ZSWIM5: variants seen among roughly 807,000 people sequenced by gnomAD.
The protein encoded by ZSWIM5 is zinc finger SWIM domain-containing protein 5.
Under a neutral mutation model 119.6 loss-of-function variants are expected in ZSWIM5, and 55 were observed. The observed-to-expected ratio is 0.46, with a 90% CI of 0.37 to 0.58. The LOEUF is 0.58. ZSWIM5 is among the 20% of genes least tolerant of loss of function. The pLI is 0.00. For missense variants in ZSWIM5, 1,193 were observed against 1,512.8 expected (o/e 0.79, Z 3.51); for synonymous variants, 537 against 606.9 (o/e 0.88, Z 1.69).
chr1:45,038,486 G>A (rs1398231750), intron 8 of ZSWIM5, among the ~76,000 whole-genome samples: 1 of 151,770 alleles, frequency 6.6e-6, no homozygotes, highest in African/African-American at 2.4e-5. Context: ...AGGAAGGTGG[G>A]AAATGGGCAA....
At chr1:45,040,287 A>G in intron 7 of ZSWIM5, 105 bp downstream of exon 7, 1 of 1,234,300 alleles carries the variant, frequency 8.1e-7, no homozygotes, top group Non-Finnish European at 1.1e-6. Context: ...TCCACACAGC[A>G]AGGAGAATGA....
chr1:45,033,505 TTC>T (rs1311256678), intron 11 of ZSWIM5, among the ~76,000 whole-genome samples: 1 of 152,216 alleles, frequency 6.6e-6, no homozygotes, highest in African/African-American at 2.4e-5. Flanking sequence ...TTACTTTCAC[TTC>T]TGTTTGTGGT....
chr1:45,108,667 T>TTA (rs1645495828), intron 1 of ZSWIM5, among the ~76,000 whole-genome samples: 1 of 151,728 alleles, frequency 6.6e-6, no homozygotes, highest in Non-Finnish European at 1.5e-5. Context: ...ATAATGATCT[T>TTA]ATAATAGTGT....
At chr1:45,161,241 T>G (rs1291906497) in intron 1 of ZSWIM5, among the ~76,000 whole-genome samples, 1 of 152,140 alleles carries the variant, frequency 6.6e-6, no homozygotes, top group African/African-American at 2.4e-5. Context: ...CCCTTTGACA[T>G]AGAGATTTAT....
intron 11 of ZSWIM5, among the ~76,000 whole-genome samples, chr1:45,029,509 G>A (rs1305350923): frequency 6.6e-6 from 1 of 152,190 alleles, no homozygotes; most frequent in African/African-American, 2.4e-5. Context: ...TTAAAGTGGT[G>A]TTGGCCAGGT....
At chr1:45,173,148 T>C (rs1036566133) in intron 1 of ZSWIM5, among the ~76,000 whole-genome samples, 7 of 151,990 alleles carry the variant, frequency 4.6e-5, no homozygotes, top group Non-Finnish European at 8.8e-5. Context: ...CTGGGTGACA[T>C]AGCAAGACCT....
chr1:45,053,373 CAGATTAGGTGAGATGAGAGGCTTAAG>C (rs1557749820), intron 4 of ZSWIM5, among the ~76,000 whole-genome samples: 1 of 152,008 alleles, frequency 6.6e-6, no homozygotes, highest in Non-Finnish European at 1.5e-5. Context: ...GAATGGAAAA[CAGATTAGGTGAGATGAGAGGCTTAAG>C]AGGTAAAGAA....
At chr1:45,195,619 C>T (rs540889881) in intron 1 of ZSWIM5, among the ~76,000 whole-genome samples, 4 of 152,052 alleles carry the variant, frequency 2.6e-5, no homozygotes, top group African/African-American at 9.7e-5. Context: ...ATACAAATGT[C>T]TTTTGATGAT....
At chr1:45,180,090 T>C (rs1369617788) in intron 1 of ZSWIM5, among the ~76,000 whole-genome samples, 1 of 152,096 alleles carries the variant, frequency 6.6e-6, no homozygotes. Flanking sequence ...CACAGGACAG[T>C]GGGTGCAGCG....
intron 1 of ZSWIM5, among the ~76,000 whole-genome samples, chr1:45,200,373 GA>G (rs1460674501): frequency 6.6e-6 from 1 of 151,988 alleles, no homozygotes; most frequent in African/African-American, 2.4e-5. Flanking sequence ...GCCTATGTTA[GA>G]AAGAAATAAG....
chr1:45,130,586 C>T (rs186047260), intron 1 of ZSWIM5, among the ~76,000 whole-genome samples: 153 of 152,176 alleles, frequency 1.0e-3, no homozygotes, highest in African/African-American at 3.4e-3. Flanking sequence ...AAAATAGCAA[C>T]ACCACCAAAC....
At chr1:45,035,667 G>C in intron 10 of ZSWIM5, 21 bp downstream of exon 10, 1 of 1,610,752 alleles carries the variant, frequency 6.2e-7, no homozygotes, top group Non-Finnish European at 8.5e-7. Flanking sequence ...GAGGCAATTG[G>C]ACTGGGAAAG....
At position 45,020,666 on chromosome 1, in the gene ZSWIM5, C is replaced by T; in HGVS notation, c.2572G>A (p.Asp858Asn). The T allele has an allele frequency of 1.2e-6, 2 of 1,614,124 alleles. No homozygotes were observed. Among genetic ancestry groups the T allele is most frequent in the South Asian group, 1.1e-5 (1 of 91,080 alleles). The change falls in exon 12 of 14, where the codon GAC becomes AAC. Residue 858 changes from aspartate to asparagine, a missense_variant. Physicochemically the swap from Asp to Asn is conservative, Grantham distance 23. Coordinates refer to ENST00000359600, the MANE Select transcript of ZSWIM5 (RefSeq NM_020883.2). The stretch of plus-strand genomic sequence containing the variant: ...AGGGCAACGTTGAGCAGGGTGCTGT[C>T]AGTACTACTGTCGGTGGGAGTAGCA... ...KIATPTDSST[D>N]STLLNVALEL...
intron 1 of ZSWIM5, among the ~76,000 whole-genome samples, chr1:45,191,418 G>A (rs1173767829): frequency 6.6e-6 from 1 of 152,176 alleles, no homozygotes; most frequent in Non-Finnish European, 1.5e-5. Flanking sequence ...AAGAGAAACA[G>A]TGTAGTTCAC....
intron 2 of ZSWIM5, among the ~76,000 whole-genome samples, chr1:45,063,201 A>G (rs371265971): frequency 2.6e-5 from 4 of 152,152 alleles, no homozygotes; most frequent in Non-Finnish European, 5.9e-5. Flanking sequence ...TATATGTACC[A>G]TATTTGCTTT....
chr1:45,141,885 G>C (rs1645729809), intron 1 of ZSWIM5, among the ~76,000 whole-genome samples: 1 of 152,108 alleles, frequency 6.6e-6, no homozygotes, highest in Non-Finnish European at 1.5e-5. Flanking sequence ...GGAATTACTA[G>C]CTGACCCTTT....
At chr1:45,023,470 C>T (rs4660833) in intron 11 of ZSWIM5, among the ~76,000 whole-genome samples, 144,493 of 145,230 alleles carry the variant, frequency 0.99, 71,878 homozygotes, top group Non-Finnish European at 1. Flanking sequence ...TTTTTTTTTT[C>T]CCCTCAGAGT....
intron 1 of ZSWIM5, among the ~76,000 whole-genome samples, chr1:45,131,972 G>A (rs1645659851): frequency 6.6e-6 from 1 of 151,106 alleles, no homozygotes; most frequent in Non-Finnish European, 1.5e-5. Flanking sequence ...CTGACACAAA[G>A]TCTCACTGAA....
chr1:45,173,907 T>C (rs1645960358), intron 1 of ZSWIM5, among the ~76,000 whole-genome samples: 1 of 151,970 alleles, frequency 6.6e-6, no homozygotes, highest in South Asian at 2.1e-4. Context: ...ATAATCTGAG[T>C]AGGAACCAAA....
Sources: gnomAD v4.1 joint callset for allele counts (sites outside exome capture counted in the v4.1 genomes callset) on GRCh38, gnomAD v4.1.1 for gene constraint, MANE v1.5 for transcripts, NCBI Gene and HGNC (gene_info 2026-07-23, HGNC 2026-07-21) for gene names.